The following MYBPH variants were observed in gnomAD, a reference collection of about 807,000 sequenced individuals.
MYBPH encodes myosin binding protein H, also known as myosin-binding protein H.
In MYBPH, 49 loss-of-function variants were observed where a neutral mutation model predicts 53.6. The ratio of observed to expected loss-of-function variants is 0.91; its 90% CI spans 0.73 to 1.16. The LOEUF (loss-of-function observed/expected upper bound fraction) is 1.16, where lower values mean the gene tolerates loss of function less well. Among genes scored for constraint, MYBPH ranks in the 50% most tolerant of loss-of-function variants. The probability of loss-of-function intolerance (pLI) is 0.00; values close to 1 mark genes in which losing one functional copy is unlikely to be tolerated. For missense variants in MYBPH, 558 were observed against 624.1 expected (o/e 0.89, Z 1.13); for synonymous variants, 239 against 249.6 (o/e 0.96, Z 0.40).
At chr1:203,168,480 A>C in intron 10 of MYBPH, 147 bp downstream of exon 10, 2 of 758,764 alleles carry the variant, frequency 2.6e-6, no homozygotes, top group South Asian at 3.1e-5. Context: ...GTCTCTGGAC[A>C]TGCGTGCTAG....
upstream of MYBPH, among the ~76,000 whole-genome samples, chr1:203,176,168 G>A (rs1290127423): frequency 1.3e-5 from 2 of 152,196 alleles, no homozygotes; most frequent in Admixed American, 6.5e-5. Context: ...TGTGTCTGGC[G>A]TCTATGGGGC....
rs141527755 is a variant in MYBPH, at chr1:203,171,091, G to C, written c.903C>G (p.Tyr301Ter). The change falls in exon 6 of 11, where the codon TAC becomes TAG. Residue 301 changes from tyrosine to a stop codon, truncating the protein, a stop_gained. Coordinates refer to ENST00000255416, the MANE Select transcript of MYBPH (RefSeq NM_004997.3). LOFTEE classifies it high-confidence loss of function. This position sits in a 1 kb window ranked among gnomAD's most constrained non-coding sequence, Gnocchi z 4.2. ...TCTTTTTGTCTGCCTTCTGCACCAT[G>C]TAGCCCAGGAGCTCTGTGTTGCCTG... is the stretch of plus-strand genomic sequence containing the variant. ...QDTGNTELLG[Y>*]MVQKADKKTG... 4.5e-5 allele frequency: 72 copies of C among 1,609,348 alleles called. No homozygotes were observed. The African/African-American group carries it at 8.6e-4, about 19-fold the overall frequency.
At chr1:203,177,258 T>A (rs7538338), upstream of MYBPH, among the ~76,000 whole-genome samples, 1 of 152,190 alleles carries the variant, frequency 6.6e-6, no homozygotes, top group East Asian at 1.9e-4. Flanking sequence ...TCTGTGATCG[T>A]GAGGGCTGCA....
At position 203,169,009 on chromosome 1, in the gene MYBPH, G is replaced by A; in HGVS notation, c.1314C>T (p.Thr438=). Residue 438 remains threonine, a synonymous_variant, in exon 9 of 11, where the codon ACC becomes ACT. Coordinates refer to ENST00000255416, the MANE Select transcript of MYBPH (RefSeq NM_004997.3). ...YRALSEQGVC[T]LEIRKPSPFD... ...AGGGGCTGGGTTTCCGGATCTCTAG[G>A]GTGCAGACGCCTTGCTCAGAGAGGG... The A allele has an allele frequency of 6.2e-7, 1 of 1,613,926 alleles. No individual in the cohort carries two copies. Among genetic ancestry groups the A allele is most frequent in the Non-Finnish European group, 8.5e-7 (1 of 1,180,028 alleles).
chr1:203,171,400 A>G lies in MYBPH; in HGVS notation c.776T>C (p.Ile259Thr), dbSNP rs748770290. The G allele has an allele frequency of 8.1e-6, 13 of 1,613,360 alleles. No homozygotes were observed. The highest frequency in any genetic ancestry group is 1.3e-5 in the African/African-American group (1 of 75,054). The change falls in exon 5 of 11, where the codon ATT becomes ACT. Residue 259 changes from isoleucine to threonine, a missense_variant. Physicochemically the swap from Ile to Thr is moderately conservative, Grantham distance 89. Coordinates refer to ENST00000255416, the MANE Select transcript of MYBPH (RefSeq NM_004997.3). The surrounding 1 kb of genome is among the most constrained non-coding windows in gnomAD (Gnocchi z 4.2). ...RVEDLEAKAV[I>T]DILVIEKPGP... ...CTCCATACCAATCACCAGGATGTCA[A>G]TGACTGCCTTGGCCTCCAGGTCTTC...
In MYBPH at chr1:203,171,480, G is replaced by A. The variant is rs577984758; in HGVS notation, c.696C>T (p.Phe232=). 1 of 1,613,936 alleles carries A rather than the reference G, an allele frequency of 6.2e-7. No individual in the cohort carries two copies. Among genetic ancestry groups the A allele is most frequent in the Admixed American group, 1.7e-5 (1 of 60,034 alleles). The change falls in exon 5 of 11, where the codon TTC becomes TTT. Residue 232 remains phenylalanine (F), a synonymous_variant. Transcript: ENST00000255416. The surrounding 1 kb of genome is among the most constrained non-coding windows in gnomAD (Gnocchi z 4.2). The part of the protein sequence containing the change: ...MRTGDQDSIL[F]IRSAQRSDSG... ...AGTCGGAGCGCTGGGCCGAGCGAATGAAGAGGATGGAGTCCTGGTCCCCGG... is the reference window on the plus strand; with the variant it reads ...AGTCGGAGCGCTGGGCCGAGCGAATAAAGAGGATGGAGTCCTGGTCCCCGG...
rs2791721 is a variant in MYBPH, at chr1:203,175,610, G to C, written c.146C>G (p.Ala49Gly). ...GGCTGTAGGGGCCTGTGGGGCAGGG[G>C]CCTGCGGCTTGGGCACCTGCTCTTC... is the stretch of plus-strand genomic sequence containing the variant. ...TREEQVPKPQAPAPQAPTAST... is the reference protein window; with the variant it reads ...TREEQVPKPQGPAPQAPTAST... Residue 49 changes from alanine (A) to glycine (G), a missense_variant, in exon 1 of 11, where the codon GCC becomes GGC. Physicochemically the swap from Ala to Gly is moderately conservative, Grantham distance 60. Coordinates refer to ENST00000255416, the MANE Select transcript of MYBPH (RefSeq NM_004997.3). The C allele has an allele frequency of 1.9e-6, 3 of 1,613,836 alleles. No homozygotes were observed. The highest frequency in any genetic ancestry group is 3.3e-5 in the Admixed American group (2 of 60,008).
In MYBPH at chr1:203,171,204, T is replaced by C; in HGVS notation, c.794-4A>G. On this transcript the variant is annotated splice_polypyrimidine_tract_variant and splice_region_variant and intron_variant, in intron 5 of 10. Coordinates refer to ENST00000255416, the MANE Select transcript of MYBPH (RefSeq NM_004997.3). The surrounding 1 kb of genome is among the most constrained non-coding windows in gnomAD (Gnocchi z 4.2). The stretch of plus-strand genomic sequence containing the variant: ...CTGCTGGGGGGTCCAGGTTTCTCTG[T>C]AGGCCCAGAGTGTGAGAGGAAGTGA... 6.3e-7 allele frequency: 1 copy of C among 1,588,806 alleles called. No homozygotes were observed. The highest frequency in any genetic ancestry group is 1.3e-5 in the African/African-American group (1 of 74,142).
chr1:203,169,410 C>A (rs755657898), intron 7 of MYBPH, 21 bp from the exon 8 acceptor site: 2 of 1,555,142 alleles, frequency 1.3e-6, no homozygotes, highest in Non-Finnish European at 1.7e-6. Context: ...GGGAGAAAGT[C>A]GGGTGCATCT....
At position 203,174,553 on chromosome 1, in the gene MYBPH, G is replaced by A. The variant is rs1655761660; in HGVS notation, c.385C>T (p.Gln129Ter). The A allele has an allele frequency of 6.2e-7, 1 of 1,610,982 alleles. No individual in the cohort carries two copies. The highest frequency in any genetic ancestry group is 1.3e-5 in the African/African-American group (1 of 74,876). ...PVSARPMMVT[Q>*]QTVRNLALGD... ...AGAGCCAGGTTCCGCACAGTCTGCT[G>A]GGTCACCATCATGGGCCGGGCACTC... Residue 129 changes from glutamine to a stop codon, truncating the protein, a stop_gained, in exon 3 of 11, where the codon CAG becomes TAG. Transcript: ENST00000255416. LOFTEE classifies it high-confidence loss of function.
intron 10 of MYBPH, 36 bp from the exon 11 acceptor site, chr1:203,168,127 A>T (rs2102185942): frequency 5.4e-6 from 1 of 183,652 alleles, no homozygotes; most frequent in East Asian, 1.7e-4. Context: ...CCCTGGTGTG[A>T]GCAGAGCTCG....
chr1:203,172,405 C>A (rs1655718434), intron 3 of MYBPH, among the ~76,000 whole-genome samples: 1 of 152,164 alleles, frequency 6.6e-6, no homozygotes. Context: ...TGCTGGGGAG[C>A]AGGTGCTGCA....
chr1:203,177,972 G>A (rs1319924590), upstream of MYBPH, among the ~76,000 whole-genome samples: 1 of 152,256 alleles, frequency 6.6e-6, no homozygotes, highest in East Asian at 1.9e-4. Context: ...AGCTGGTTCA[G>A]ATTTCAGATA....
chr1:203,173,607 G>T (rs1347504803), intron 3 of MYBPH, among the ~76,000 whole-genome samples: 1 of 152,176 alleles, frequency 6.6e-6, no homozygotes, highest in South Asian at 2.1e-4. Context: ...ATCCAGACTT[G>T]ACCCCTCCTG....
chr1:203,175,484 G>C (rs1177094914), intron 1 of MYBPH, 23 bp from the exon 2 acceptor site: 1 of 1,607,298 alleles, frequency 6.2e-7, no homozygotes. Context: ...AGAGGTTCAT[G>C]GCCAAGAGCT....
chr1:203,176,980 T>A (rs541615774), upstream of MYBPH, among the ~76,000 whole-genome samples: 1 of 152,288 alleles, frequency 6.6e-6, no homozygotes, highest in East Asian at 1.9e-4. Context: ...GTGGGATGGA[T>A]AAATAACTGT....
upstream of MYBPH, chr1:203,175,827 G>T: frequency 6.7e-7 from 1 of 1,495,582 alleles, no homozygotes; most frequent in South Asian, 1.1e-5. Flanking sequence ...CCTCTAGGGT[G>T]CCTGGGACAC....
In MYBPH at chr1:203,169,138, C is replaced by T. The variant is rs1447458260; in HGVS notation, c.1231-46G>A. 8.1e-6 allele frequency: 13 copies of T among 1,602,192 alleles called. No homozygotes were observed. The East Asian group carries it at 8.9e-5, about 11-fold the overall frequency. ...AGAGCTGGGGAGGTATGGACTGGGG[C>T]GGGGCTCTCAACAGCTATCCCCAGG... is the stretch of plus-strand genomic sequence containing the variant. On this transcript the variant is annotated intron_variant, in intron 8 of 10. Transcript: ENST00000255416.
intron 9 of MYBPH, 45 bp from the exon 10 acceptor site, chr1:203,168,720 A>G: frequency 6.3e-7 from 1 of 1,581,504 alleles, no homozygotes; most frequent in Non-Finnish European, 8.6e-7. Context: ...GTGGCGGGGA[A>G]CTGGAAAGTT....
Sources: allele counts gnomAD v4.1 joint callset (sites outside exome capture counted in the v4.1 genomes callset), GRCh38; gene constraint gnomAD v4.1.1; non-coding constraint Gnocchi (gnomAD v3.1); transcripts MANE v1.5; gene names NCBI Gene and HGNC (gene_info 2026-07-23, HGNC 2026-07-21).